Variants in NRXN1 observed in about 807,000 individuals in gnomAD.
NRXN1 encodes neurexin 1.
Under a neutral mutation model 150.9 loss-of-function variants are expected in NRXN1, and 39 were observed. The ratio of observed to expected loss-of-function variants is 0.26; its 90% CI spans 0.20 to 0.34. The LOEUF (loss-of-function observed/expected upper bound fraction) is 0.34. NRXN1 is among the 10% of genes least tolerant of loss of function. The probability of loss-of-function intolerance (pLI) is 1.00; values close to 1 mark genes in which losing one functional copy is unlikely to be tolerated. For synonymous variants in NRXN1, 924 were observed against 757.0 expected, an observed-to-expected ratio of 1.22 and a Z score of -3.62; for missense variants, 1,815 against 1,949.9, an observed-to-expected ratio of 0.93 and a Z score of 1.30.
At chr2:50,343,902 C>G (rs1270103315) in intron 17 of NRXN1, among the ~76,000 whole-genome samples, 1 of 152,188 alleles carries the variant, frequency 6.6e-6, no homozygotes, top group Non-Finnish European at 1.5e-5. Flanking sequence ...ACCAAACAGC[C>G]TAGTTCATTT....
intron 21 of NRXN1, among the ~76,000 whole-genome samples, chr2:50,051,133 A>T (rs1027664799): frequency 7.9e-5 from 12 of 152,114 alleles, no homozygotes; most frequent in South Asian, 6.2e-4. Context: ...TTGGCAATTA[A>T]GGAGCAGTTA....
chr2:50,334,669 G>A (rs1240256064), intron 17 of NRXN1, among the ~76,000 whole-genome samples: 2 of 152,254 alleles, frequency 1.3e-5, no homozygotes, highest in Middle Eastern at 3.4e-3. Flanking sequence ...AGGTGGGACC[G>A]ATATTCATAT....
At chr2:50,158,197 A>T (rs2059143893) in intron 18 of NRXN1, among the ~76,000 whole-genome samples, 1 of 151,562 alleles carries the variant, frequency 6.6e-6, no homozygotes, top group Non-Finnish European at 1.5e-5. Context: ...CTAAAAGCTT[A>T]AATAGAATCC....
rs974787425 is a variant in NRXN1, at chr2:49,920,915, T to C, written c.*1029A>G. 1 of 152,600 alleles carries C rather than the reference T, an allele frequency of 6.6e-6. No individual in the cohort carries two copies. The highest frequency in any genetic ancestry group is 2.1e-4 in the South Asian group (1 of 4,830). 9.5% of individuals were successfully genotyped at this position (152,600 alleles called of 1,614,324 possible). On this transcript the variant is annotated 3_prime_UTR_variant, in exon 23 of 23. Coordinates refer to ENST00000401669, the MANE Select transcript of NRXN1 (RefSeq NM_001330078.2). ...AAAGAAGTAGCTGAGTCTTTGTATA[T>C]ACATTCATACATATCTTCCTTAGAA... is the stretch of plus-strand genomic sequence containing the variant.
chr2:50,328,765 C>T (rs1269064133), intron 17 of NRXN1, among the ~76,000 whole-genome samples: 10 of 151,964 alleles, frequency 6.6e-5, no homozygotes, highest in Non-Finnish European at 8.8e-5. Flanking sequence ...GAATTGGAAA[C>T]TTTTCATTTC....
intron 18 of NRXN1, among the ~76,000 whole-genome samples, chr2:50,220,373 T>A (rs1030891996): frequency 6.6e-6 from 1 of 151,784 alleles, no homozygotes; most frequent in Non-Finnish European, 1.5e-5. Flanking sequence ...TTAAAACAGA[T>A]CCTAGTTGAT....
At chr2:50,828,641 CAG>C (rs1266906396) in intron 5 of NRXN1, among the ~76,000 whole-genome samples, 1 of 151,740 alleles carries the variant, frequency 6.6e-6, no homozygotes, top group Non-Finnish European at 1.5e-5. Flanking sequence ...GGTGGCCGGG[CAG>C]AGACACTCCT....
intron 17 of NRXN1, among the ~76,000 whole-genome samples, chr2:50,281,311 C>T (rs1184524236): frequency 7.7e-6 from 1 of 130,172 alleles, no homozygotes. Context: ...AGCAAGACTC[C>T]GTCTCAAAAA....
At chr2:50,583,911 A>G (rs930710930) in intron 8 of NRXN1, among the ~76,000 whole-genome samples, 2 of 152,140 alleles carry the variant, frequency 1.3e-5, no homozygotes, top group African/African-American at 4.8e-5. Flanking sequence ...AAAATCCCTG[A>G]TTTCTATTCC....
Position 51,027,427 on chromosome 2 carries a change from A to C in NRXN1, c.772+75T>G. 9 of 1,414,324 alleles carry C rather than the reference A, an allele frequency of 6.4e-6. No individual in the cohort carries two copies. The South Asian group carries it at 1.4e-4, about 22-fold the overall frequency. 87.6% of individuals were successfully genotyped at this position (1,414,324 alleles called of 1,614,324 possible). A position where few individuals can be genotyped will look rare whatever the true frequency, so the allele number is the denominator to read the frequency against. On this transcript the variant is annotated intron_variant, in intron 2 of 22. Transcript: ENST00000401669. ...CGTTTGCCAAGATTAGGAAGACCCCATGCACCAGCCCGGTCCCCTCCTCCC... is the reference window on the plus strand; with the variant it reads ...CGTTTGCCAAGATTAGGAAGACCCCCTGCACCAGCCCGGTCCCCTCCTCCC...
At chr2:50,207,839 C>G (rs2062725113) in intron 18 of NRXN1, 1 of 157,672 alleles carries the variant, frequency 6.3e-6, no homozygotes, top group Non-Finnish European at 1.5e-5. Context: ...TTGGCCATTT[C>G]AAATCTCTTC....
rs781459284 is a variant in NRXN1 at position 50,531,240 on chromosome 2, C to G, written c.2334G>C (p.Leu778=). Reference sequence around the variant, plus strand: ...GCAGGTTGTTACCTAGATTGACCGTCAGTTTCACACGTCCTGCGTCTAGCT... The same window carrying G: ...GCAGGTTGTTACCTAGATTGACCGTGAGTTTCACACGTCCTGCGTCTAGCT... The part of the protein sequence containing the change: ...RLELDAGRVK[L]TVNLDCIRIN... Residue 778 remains leucine, a synonymous_variant, in exon 11 of 23, where the codon CTG becomes CTC. Transcript: ENST00000401669. The G allele has an allele frequency of 6.2e-7, 1 of 1,612,880 alleles. No homozygotes were observed. Among genetic ancestry groups the G allele is most frequent in the Non-Finnish European group, 8.5e-7 (1 of 1,179,472 alleles).
chr2:49,977,635 C>G (rs1679215811), intron 21 of NRXN1, among the ~76,000 whole-genome samples: 1 of 152,086 alleles, frequency 6.6e-6, no homozygotes, highest in African/African-American at 2.4e-5. Flanking sequence ...CAGGAAAAAA[C>G]AGCAAGTGAG....
chr2:50,372,327 G>A (rs1399838745), intron 17 of NRXN1, among the ~76,000 whole-genome samples: 3 of 152,136 alleles, frequency 2.0e-5, no homozygotes, highest in African/African-American at 7.2e-5. Flanking sequence ...GTATTTTACG[G>A]TCTAACTGGG....
intron 5 of NRXN1, among the ~76,000 whole-genome samples, chr2:50,788,114 A>ACTTG (rs1705392639): frequency 6.8e-6 from 1 of 148,008 alleles, no homozygotes; most frequent in African/African-American, 2.5e-5. Context: ...TTTTTTTGAG[A>ACTTG]CTTGCTCTGT....
intron 21 of NRXN1, chr2:49,972,811 T>C (rs1678179304): frequency 6.6e-6 from 1 of 152,156 alleles, no homozygotes; most frequent in African/African-American, 2.4e-5. Context: ...AATCAGAACT[T>C]CCCTTGAAAA....
At chr2:50,979,557 C>A (rs1473779871) in intron 2 of NRXN1, among the ~76,000 whole-genome samples, 1 of 152,076 alleles carries the variant, frequency 6.6e-6, no homozygotes, top group African/African-American at 2.4e-5. Flanking sequence ...CATAGACTGA[C>A]AGAATTTATA....
intron 18 of NRXN1, among the ~76,000 whole-genome samples, chr2:50,230,304 A>G (rs893988753): frequency 6.6e-6 from 1 of 152,072 alleles, no homozygotes; most frequent in African/African-American, 2.4e-5. Flanking sequence ...TTTTAAAAAA[A>G]GTTAATATGT....
At chr2:50,909,814 A>T (rs559474408) in intron 5 of NRXN1, among the ~76,000 whole-genome samples, 7 of 152,136 alleles carry the variant, frequency 4.6e-5, no homozygotes, top group African/African-American at 1.7e-4. Flanking sequence ...AAGCAAGCTA[A>T]GCTTTTTCTT....
Sources: gnomAD v4.1 joint callset for allele counts (sites outside exome capture counted in the v4.1 genomes callset) on GRCh38, gnomAD v4.1.1 for gene constraint, MANE v1.5 for transcripts, NCBI Gene and HGNC (gene_info 2026-07-23, HGNC 2026-07-21) for gene names.